Variants in PLCE1 observed in about 807,000 individuals in gnomAD.
PLCE1 encodes the protein phospholipase C epsilon 1, also known as 1-phosphatidylinositol 4,5-bisphosphate phosphodiesterase epsilon-1.
In PLCE1, 119 loss-of-function variants were observed where a neutral mutation model predicts 242.8. The ratio of observed to expected loss-of-function variants is 0.49; its 90% CI spans 0.42 to 0.57. PLCE1 has a LOEUF of 0.57. Among genes scored for constraint, PLCE1 ranks in the 20% least tolerant of loss-of-function variants. PLCE1 has a pLI of 0.00. For synonymous variants in PLCE1, 945 were observed against 1,017.4 expected (o/e 0.93, Z 1.35); for missense variants, 2,441 against 2,788.8 (o/e 0.88, Z 2.81).
chr10:93,998,619 T>C (rs2134155482), intron 1 of PLCE1, among the ~76,000 whole-genome samples: 1 of 152,268 alleles, frequency 6.6e-6, no homozygotes, highest in East Asian at 1.9e-4. Flanking sequence ...CCTAAAGCAC[T>C]TTGCATAGAG....
chr10:94,292,580 A>G (rs1278054174), intron 22 of PLCE1, among the ~76,000 whole-genome samples: 1 of 152,192 alleles, frequency 6.6e-6, no homozygotes, highest in East Asian at 1.9e-4. Context: ...AGAGAGGTTA[A>G]GTAACTTGTG....
chr10:94,058,021 ATT>A (rs1476510876), intron 2 of PLCE1, among the ~76,000 whole-genome samples: 1 of 152,188 alleles, frequency 6.6e-6, no homozygotes, highest in Non-Finnish European at 1.5e-5. Flanking sequence ...AACTAGATTA[ATT>A]TTAAGAACCT....
At chr10:94,205,129 A>G (rs1407821151) in intron 4 of PLCE1, among the ~76,000 whole-genome samples, 5 of 152,224 alleles carry the variant, frequency 3.3e-5, no homozygotes, top group Non-Finnish European at 5.9e-5. Context: ...TGCTACAGAC[A>G]GTTGAAAATT....
At chr10:94,110,017 T>C (rs973021394) in intron 2 of PLCE1, among the ~76,000 whole-genome samples, 1 of 151,418 alleles carries the variant, frequency 6.6e-6, no homozygotes, top group African/African-American at 2.4e-5. Context: ...GCCTTTCAAA[T>C]TGATATCAGG....
intron 1 of PLCE1, among the ~76,000 whole-genome samples, chr10:94,012,200 AGTTCC>A (rs779298790): frequency 3.3e-5 from 5 of 151,772 alleles, no homozygotes; most frequent in Non-Finnish European, 7.4e-5. Flanking sequence ...ACCTCTCTCC[AGTTCC>A]CCAAGTCTCA....
chr10:94,296,249 C>A (rs2052809096), intron 23 of PLCE1, among the ~76,000 whole-genome samples: 1 of 151,724 alleles, frequency 6.6e-6, no homozygotes, highest in South Asian at 2.1e-4. Flanking sequence ...GCCTGTAGTC[C>A]CAGCTACTCA....
chr10:94,265,371 T>G (rs1288330298), intron 14 of PLCE1, among the ~76,000 whole-genome samples: 1 of 152,252 alleles, frequency 6.6e-6, no homozygotes, highest in Non-Finnish European at 1.5e-5. Flanking sequence ...CTGGATAAAC[T>G]GATACACTTT....
intron 3 of PLCE1, among the ~76,000 whole-genome samples, chr10:94,145,357 A>G (rs745366462): frequency 6.6e-6 from 1 of 152,148 alleles, no homozygotes; most frequent in Non-Finnish European, 1.5e-5. Context: ...AGGGGAATTA[A>G]AAACCTGTTC....
At chr10:94,118,356 A>G (rs1440777114) in intron 2 of PLCE1, among the ~76,000 whole-genome samples, 1 of 152,120 alleles carries the variant, frequency 6.6e-6, no homozygotes, top group Non-Finnish European at 1.5e-5. Context: ...AAGGTCAAAT[A>G]TATTGTGTTC....
intron 4 of PLCE1, among the ~76,000 whole-genome samples, chr10:94,222,684 ACCTTCTCTTCCCATCCTG>A (rs1229918200): frequency 6.6e-6 from 1 of 152,134 alleles, no homozygotes; most frequent in Non-Finnish European, 1.5e-5. Flanking sequence ...TGGCCTTCCC[ACCTTCTCTTCCCATCCTG>A]GCTTGTGTGC....
chr10:94,183,663 G>A (rs2048380129), intron 4 of PLCE1, among the ~76,000 whole-genome samples: 1 of 152,162 alleles, frequency 6.6e-6, no homozygotes, highest in Non-Finnish European at 1.5e-5. Context: ...GCTGGGTAAT[G>A]TATGAAGAAA....
chr10:94,254,121 CTACCTGAACT>C, intron 9 of PLCE1, 59 bp from the exon 10 acceptor site: 1 of 1,145,016 alleles, frequency 8.7e-7, no homozygotes, highest in Non-Finnish European at 1.3e-6. Context: ...AAATAGAGAC[CTACCTGAACT>C]AAAGCAGTGA....
At chr10:94,044,963 A>G (rs184806285) in intron 2 of PLCE1, among the ~76,000 whole-genome samples, 1 of 152,232 alleles carries the variant, frequency 6.6e-6, no homozygotes, top group Non-Finnish European at 1.5e-5. Flanking sequence ...TACGAACTAT[A>G]GATTCTTGAG....
chr10:94,004,653 C>G lies in PLCE1; in HGVS notation c.-365+10395C>G, dbSNP rs189317747. 2.3e-4 allele frequency among the ~76,000 whole-genome samples: 35 copies of G among 152,260 alleles called. 1 individual carries two copies. Among genetic ancestry groups the G allele is most frequent in the Non-Finnish European group, 8.8e-5 (6 of 68,016 alleles). On this transcript the variant is annotated intron_variant, in intron 1 of 32. Coordinates refer to ENST00000371380, the MANE Select transcript of PLCE1 (RefSeq NM_016341.4). Reference sequence around the variant, plus strand: ...TGTTGCTTACGTGTTGCCCCTCATCCTTGTCTCCTTTTTGCCCACAATTTT... The same window carrying G: ...TGTTGCTTACGTGTTGCCCCTCATCGTTGTCTCCTTTTTGCCCACAATTTT...
At chr10:94,210,440 C>A (rs1036946015) in intron 4 of PLCE1, among the ~76,000 whole-genome samples, 3 of 152,126 alleles carry the variant, frequency 2.0e-5, no homozygotes, top group Non-Finnish European at 4.4e-5. Context: ...TGTCAACACA[C>A]CCCCGAAATT....
intron 13 of PLCE1, among the ~76,000 whole-genome samples, chr10:94,261,467 A>T (rs1209112072): frequency 2.0e-5 from 3 of 152,170 alleles, no homozygotes; most frequent in Non-Finnish European, 2.9e-5. Context: ...AAACATTTGT[A>T]TTCAGGTTTT....
In PLCE1 at chr10:94,332,529, GT is replaced by G. The variant is rs2054172867; in HGVS notation, c.*4587del. ...CCTGTGTGTGTGTGTGTGTGTGTGT[GT>G]GTGTGTGTGTGTGTGTGTTTAAACA... On this transcript the variant is annotated 3_prime_UTR_variant, in exon 33 of 33. Transcript: ENST00000371380. 1 of 151,934 alleles carries G rather than the reference GT, an allele frequency of 6.6e-6. No homozygotes were observed. The highest frequency in any genetic ancestry group is 1.5e-5 in the Non-Finnish European group (1 of 68,044). The allele number at this position is 151,934 out of a possible 1,614,324, so 9.4% of individuals were successfully genotyped here.
intron 1 of PLCE1, among the ~76,000 whole-genome samples, chr10:94,008,770 A>G (rs2061103582): frequency 6.6e-6 from 1 of 152,220 alleles, no homozygotes; most frequent in Admixed American, 6.5e-5. Context: ...GTAACAAGCC[A>G]TCTGGGGCAA....
intron 2 of PLCE1, among the ~76,000 whole-genome samples, chr10:94,040,574 C>T (rs1216301611): frequency 6.6e-6 from 1 of 152,162 alleles, no homozygotes; most frequent in Non-Finnish European, 1.5e-5. Flanking sequence ...CCCTTGTGCA[C>T]CTTCTCTCAG....
Sources: allele counts gnomAD v4.1 joint callset (sites outside exome capture counted in the v4.1 genomes callset), GRCh38; gene constraint gnomAD v4.1.1; transcripts MANE v1.5; gene names NCBI Gene and HGNC (gene_info 2026-07-23, HGNC 2026-07-21).